CAVIN4: variants seen among roughly 807,000 people sequenced by gnomAD.
CAVIN4 encodes caveolae associated protein 4.
A neutral mutation model predicts 18.6 loss-of-function variants in CAVIN4; 10 were observed. That is an observed-to-expected ratio of 0.54 (90% CI 0.33 to 0.91). The LOEUF (loss-of-function observed/expected upper bound fraction) is 0.91. CAVIN4 is among the 40% of genes least tolerant of loss of function. CAVIN4 has a pLI of 0.02. For missense variants in CAVIN4, 459 were observed against 440.5 expected, an observed-to-expected ratio of 1.04 and a Z score of -0.38; for synonymous variants, 173 against 164.8, an observed-to-expected ratio of 1.05 and a Z score of -0.38.
chr9:100,586,422 C>T lies in CAVIN4; in HGVS notation c.1066C>T (p.Leu356Phe). ...SQVKVEDDES[L>F]LLDLKHSS ...GGTGAAAGTAGAGGATGATGAATCT[C>T]TTTTGTTAGATTTAAAGCACTCATC... The change falls in exon 2 of 2, where the codon CTT (leucine) becomes TTT (phenylalanine). Residue 356 changes from leucine (L) to phenylalanine (F), a missense_variant. By Grantham distance (22) the Leu-to-Phe change is conservative (BLOSUM62 0). Transcript: ENST00000307584. 1 of 1,613,794 alleles carries T rather than the reference C, an allele frequency of 6.2e-7. No homozygotes were observed. The highest frequency in any genetic ancestry group is 8.5e-7 in the Non-Finnish European group (1 of 1,179,986).
intron 1 of CAVIN4, among the ~76,000 whole-genome samples, chr9:100,580,832 T>C (rs962116035): frequency 9.2e-5 from 14 of 152,230 alleles, no homozygotes; most frequent in Non-Finnish European, 1.6e-4. Context: ...GAACAGCTCG[T>C]AGAGAAAAGA....
chr9:100,586,122 AAGAAATCT>A lies in CAVIN4; in HGVS notation c.768_775del (p.Lys256AsnfsTer3). 6.3e-7 allele frequency: 1 copy of A among 1,591,770 alleles called. No homozygotes were observed. ...GCTGAGACAGTCAGGGGAGAGGTTTAAGAAATCTATTTCTAATGCAGCTCCCTCAAAGG... is the reference window on the plus strand; with the variant it reads ...GCTGAGACAGTCAGGGGAGAGGTTTAATTTCTAATGCAGCTCCCTCAAAGG... On this transcript the variant is annotated frameshift_variant, in exon 2 of 2. Coordinates refer to ENST00000307584, the MANE Select transcript of CAVIN4 (RefSeq NM_001018116.2).
rs757061908 is a variant in CAVIN4, at chr9:100,578,214, A to T, written c.71A>T (p.Asp24Val). The change falls in exon 1 of 2, where the codon GAT becomes GTT. Residue 24 changes from aspartate to valine, a missense_variant. By Grantham distance (152) the Asp-to-Val change is radical (BLOSUM62 -3). Coordinates refer to ENST00000307584, the MANE Select transcript of CAVIN4 (RefSeq NM_001018116.2). ...HQNRLSSVTE[D>V]EDQDAALTIV... is the part of the protein sequence containing the mutation. ...AATCGCCTGTCGAGTGTTACAGAAG[A>T]TGAAGACCAAGACGCTGCTCTTACC... is the stretch of plus-strand genomic sequence containing the variant. 9.3e-6 allele frequency: 15 copies of T among 1,613,914 alleles called. No individual in the cohort carries two copies. In the East Asian group the frequency reaches 2.5e-4, roughly 26 times the overall value.
Position 100,578,410 on chromosome 9 carries a change from GT to G in CAVIN4, c.270del (p.Phe90LeufsTer14). 1 of 1,614,120 alleles carries G rather than the reference GT, an allele frequency of 6.2e-7. No homozygotes were observed. Among genetic ancestry groups the G allele is most frequent in the South Asian group, 1.1e-5 (1 of 91,084 alleles). On this transcript the variant is annotated frameshift_variant, in exon 1 of 2. Coordinates refer to ENST00000307584, the MANE Select transcript of CAVIN4 (RefSeq NM_001018116.2). LOFTEE classifies it high-confidence loss of function. ...SNTGHIINKLFEKTRKVSAHI... is the reference protein window; with the variant it reads ...SNTGHIINKLXEKTRKVSAHI... ...ATACAGGGCATATCATTAACAAATT[GT>G]TTGAGAAAACCCGAAAAGTTAGTGC...
In CAVIN4 at chr9:100,586,056, C is replaced by A. The variant is rs1344341067; in HGVS notation, c.700C>A (p.Leu234Ile). 1 of 1,603,454 alleles carries A rather than the reference C, an allele frequency of 6.2e-7. No homozygotes were observed. Among genetic ancestry groups the A allele is most frequent in the Non-Finnish European group, 8.5e-7 (1 of 1,170,582 alleles). The change falls in exon 2 of 2, where the codon CTA (leucine) becomes ATA (isoleucine). Residue 234 changes from leucine (L) to isoleucine (I), a missense_variant. Physicochemically the swap from Leu to Ile is conservative, Grantham distance 5. Coordinates refer to ENST00000307584, the MANE Select transcript of CAVIN4 (RefSeq NM_001018116.2). ...RIVTPERRERLRQSGERLRQS... is the reference protein window; with the variant it reads ...RIVTPERRERIRQSGERLRQS... ...AGTGACCCCGGAGAGGAGAGAGAGGCTAAGGCAGTCAGGAGAGAGGCTGAG... is the reference window on the plus strand; with the variant it reads ...AGTGACCCCGGAGAGGAGAGAGAGGATAAGGCAGTCAGGAGAGAGGCTGAG...
Position 100,584,384 on chromosome 9 carries a change from G to A in CAVIN4, c.409-1381G>A, listed in dbSNP as rs565756347. Among the ~76,000 whole-genome samples, 186 of 152,288 alleles carry A rather than the reference G, an allele frequency of 1.2e-3. 1 individual carries two copies. The highest frequency in any genetic ancestry group is 4.1e-3 in the African/African-American group (169 of 41,558). On this transcript the variant is annotated intron_variant, in intron 1 of 1. Coordinates refer to ENST00000307584, the MANE Select transcript of CAVIN4 (RefSeq NM_001018116.2). ...ACCAGAAAATTTACTGGTTTGTGGTGTTGCTTAATAACTTTGTTGAAGGAA... is the reference window on the plus strand; with the variant it reads ...ACCAGAAAATTTACTGGTTTGTGGTATTGCTTAATAACTTTGTTGAAGGAA...
chr9:100,583,819 G>T (rs754348698), intron 1 of CAVIN4, among the ~76,000 whole-genome samples: 1 of 152,044 alleles, frequency 6.6e-6, no homozygotes, highest in Non-Finnish European at 1.5e-5. Flanking sequence ...GCTAATTTTT[G>T]TATTTTTAGT....
chr9:100,577,888 C>G (rs1839380658), upstream of CAVIN4, among the ~76,000 whole-genome samples: 1 of 152,186 alleles, frequency 6.6e-6, no homozygotes, highest in Non-Finnish European at 1.5e-5. Flanking sequence ...AAGCTTTACT[C>G]TTCTACCCAC....
chr9:100,587,529 A>T lies in CAVIN4; in HGVS notation c.*1078A>T, dbSNP rs1839493524. ...CATAGCTGCTTTGGGAGGAAGCCAG[A>T]TTCTCCTTATCTTTTAGCTTTAGAT... On this transcript the variant is annotated 3_prime_UTR_variant, in exon 2 of 2. Transcript: ENST00000307584. 6.6e-6 allele frequency: 1 copy of T among 152,196 alleles called. No homozygotes were observed. The highest frequency in any genetic ancestry group is 6.5e-5 in the Admixed American group (1 of 15,280). 9.4% of individuals were successfully genotyped at this position (152,196 alleles called of 1,614,324 possible).
In CAVIN4 at chr9:100,578,409, T is replaced by G; in HGVS notation, c.266T>G (p.Leu89Trp). The stretch of plus-strand genomic sequence containing the variant: ...AATACAGGGCATATCATTAACAAAT[T>G]GTTTGAGAAAACCCGAAAAGTTAGT... ...HSNTGHIINK[L>W]FEKTRKVSAH... The change falls in exon 1 of 2, where the codon TTG (leucine) becomes TGG (tryptophan). Residue 89 changes from leucine (L) to tryptophan (W), a missense_variant. Physicochemically the swap from Leu to Trp is moderately conservative, Grantham distance 61 (BLOSUM62 -2). Transcript: ENST00000307584. 1 of 1,614,164 alleles carries G rather than the reference T, an allele frequency of 6.2e-7. No individual in the cohort carries two copies. The highest frequency in any genetic ancestry group is 8.5e-7 in the Non-Finnish European group (1 of 1,180,008).
At chr9:100,582,115 C>T (rs1046981682) in intron 1 of CAVIN4, among the ~76,000 whole-genome samples, 2 of 152,148 alleles carry the variant, frequency 1.3e-5, no homozygotes, top group Non-Finnish European at 2.9e-5. Flanking sequence ...CTGGATCTCA[C>T]GTGGGGGCAC....
intron 1 of CAVIN4, 38 bp downstream of exon 1, chr9:100,578,589 C>T: frequency 6.2e-7 from 1 of 1,604,276 alleles, no homozygotes; most frequent in Non-Finnish European, 8.5e-7. Flanking sequence ...TTGTTCTAAT[C>T]TCTTGCATCT....
Position 100,586,713 on chromosome 9 carries a change from G to T in CAVIN4, c.*262G>T, listed in dbSNP as rs920497876. 1 of 297,844 alleles carries T rather than the reference G, an allele frequency of 3.4e-6. No homozygotes were observed. The highest frequency in any genetic ancestry group is 6.2e-6 in the Non-Finnish European group (1 of 161,108). The allele number at this position is 297,844 out of a possible 1,614,324, so 18.5% of individuals were successfully genotyped here. ...CGTGTTTGGTAAGGGCAACTTTGCG[G>T]CCGTCATTTGCAGGAGAACTCTAAA... On this transcript the variant is annotated 3_prime_UTR_variant, in exon 2 of 2. Transcript: ENST00000307584.
intron 1 of CAVIN4, among the ~76,000 whole-genome samples, chr9:100,582,732 T>A (rs1194953759): frequency 1.3e-5 from 2 of 152,204 alleles, no homozygotes; most frequent in African/African-American, 2.4e-5. Context: ...GTCCTTTTTT[T>A]TCTTTTCTCA....
chr9:100,584,403 G>A (rs1461815097), intron 1 of CAVIN4, among the ~76,000 whole-genome samples: 3 of 152,168 alleles, frequency 2.0e-5, no homozygotes, highest in Admixed American at 6.5e-5. Flanking sequence ...TAACTTTGTT[G>A]AAGGAAGGTA....
chr9:100,582,621 C>A (rs962425870), intron 1 of CAVIN4, among the ~76,000 whole-genome samples: 2 of 152,182 alleles, frequency 1.3e-5, no homozygotes, highest in Non-Finnish European at 2.9e-5. Context: ...GCATGAGCCA[C>A]TGCACCCAGC....
chr9:100,581,104 A>G (rs1839421830), intron 1 of CAVIN4: 1 of 152,166 alleles, frequency 6.6e-6, no homozygotes, highest in South Asian at 2.1e-4. Context: ...TAAGCCTCAG[A>G]CTTTTGTATA....
chr9:100,579,369 A>G (rs1334058627), intron 1 of CAVIN4, among the ~76,000 whole-genome samples: 4 of 152,212 alleles, frequency 2.6e-5, no homozygotes, highest in African/African-American at 4.8e-5. Context: ...ATTCCTTCAC[A>G]GTAGAAAAGT....
At chr9:100,577,982 C>T, upstream of CAVIN4, 1 of 641,656 alleles carries the variant, frequency 1.6e-6, no homozygotes, top group African/African-American at 1.8e-5. Context: ...GATTGCAGAA[C>T]AGTCACATAT....
Sources: gnomAD v4.1 joint callset for allele counts (sites outside exome capture counted in the v4.1 genomes callset) on GRCh38, gnomAD v4.1.1 for gene constraint, MANE v1.5 for transcripts, NCBI Gene and HGNC (gene_info 2026-07-23, HGNC 2026-07-21) for gene names.